BAIAP3: variants seen among roughly 807,000 people sequenced by gnomAD.
The protein encoded by BAIAP3 is BAI1 associated protein 3, also known as BAI1-associated protein 3.
In BAIAP3, 180 loss-of-function variants were observed where a neutral mutation model predicts 149.7. That is an observed-to-expected ratio of 1.20 (90% CI 1.07 to 1.36). The LOEUF (loss-of-function observed/expected upper bound fraction) is 1.36. BAIAP3 is among the 40% of genes most tolerant of loss of function. The pLI is 0.00. For missense variants in BAIAP3, 1,767 were observed against 1,563.4 expected (o/e 1.13, Z -2.20); for synonymous variants, 845 against 670.7 (o/e 1.26, Z -4.02).
In BAIAP3 at chr16:1,337,963, C is replaced by T. The variant is rs114858745; in HGVS notation, c.-10-577C>T. Among the ~76,000 whole-genome samples, 837 of 152,282 alleles carry T rather than the reference C, an allele frequency of 5.5e-3. 8 individuals carry two copies. Among genetic ancestry groups the T allele is most frequent in the African/African-American group, 0.019 (785 of 41,566 alleles). Reference sequence around the variant, plus strand: ...CCCGCTGTGCTTGGTGAGCGAGGACCCCCAGGCAGTCCCCTCCAGGGCCTC... The same window carrying T: ...CCCGCTGTGCTTGGTGAGCGAGGACTCCCAGGCAGTCCCCTCCAGGGCCTC... On this transcript the variant is annotated intron_variant, in intron 1 of 33. Transcript: ENST00000426824.
At position 1,344,111 on chromosome 16, in the gene BAIAP3, C is replaced by T; in HGVS notation, c.1476C>T (p.Asn492=). ...TCCGAGACTACTTCCCTGCCACCAA[C>T]AGCACCGCTGTCCACCGCCTGGAGC... The part of the protein sequence containing the change: ...RQLRDYFPAT[N]STAVHRLELL... Residue 492 remains asparagine, a synonymous_variant, in exon 16 of 34, where the codon AAC becomes AAT. Transcript: ENST00000426824. 6.2e-7 allele frequency: 1 copy of T among 1,612,026 alleles called. No individual in the cohort carries two copies. Among genetic ancestry groups the T allele is most frequent in the Non-Finnish European group, 8.5e-7 (1 of 1,179,838 alleles).
At chr16:1,347,519 C>CA in intron 29 of BAIAP3, 26 bp from the exon 30 acceptor site, 1 of 1,586,928 alleles carries the variant, frequency 6.3e-7, no homozygotes, top group South Asian at 1.1e-5. Context: ...ACCCAGGGGC[C>CA]CCTCCTGATG....
At chr16:1,338,337 A>G (rs1232409688) in intron 1 of BAIAP3, among the ~76,000 whole-genome samples, 2 of 152,086 alleles carry the variant, frequency 1.3e-5, no homozygotes, top group African/African-American at 4.8e-5. Flanking sequence ...CAGGGGGCGC[A>G]GGGACTTAGC....
At chr16:1,334,024 G>A (rs2033296147) in intron 1 of BAIAP3, among the ~76,000 whole-genome samples, 1 of 151,752 alleles carries the variant, frequency 6.6e-6, no homozygotes, top group Non-Finnish European at 1.5e-5. Context: ...GCACTGCGGA[G>A]CGGACGGGGA....
chr16:1,338,473 C>T (rs543937481), intron 1 of BAIAP3, 67 bp from the exon 2 acceptor site: 21 of 1,091,562 alleles, frequency 1.9e-5, no homozygotes, highest in South Asian at 1.6e-4. Flanking sequence ...CCCACCCCCC[C>T]GCCTGCTGTG....
chr16:1,336,015 G>A (rs1367363836), intron 1 of BAIAP3, among the ~76,000 whole-genome samples: 1 of 152,168 alleles, frequency 6.6e-6, no homozygotes, highest in Non-Finnish European at 1.5e-5. Context: ...GGAGGGTACC[G>A]AGCCCCCTTT....
chr16:1,338,450 C>T (rs964222670), intron 1 of BAIAP3, 90 bp from the exon 2 acceptor site: 2 of 195,798 alleles, frequency 1.0e-5, no homozygotes, highest in South Asian at 6.8e-5. Flanking sequence ...CCCACCTCTT[C>T]CCGCCCCACC....
At chr16:1,339,025 C>T (rs752739845) in intron 3 of BAIAP3, 36 bp downstream of exon 3, 2 of 1,610,548 alleles carry the variant, frequency 1.2e-6, no homozygotes, top group Admixed American at 1.7e-5. Context: ...ATACCACAGC[C>T]CAGCATGGGG....
intron 2 of BAIAP3, 40 bp downstream of exon 2, chr16:1,338,720 C>T (rs1190751498): frequency 6.4e-7 from 1 of 1,559,070 alleles, no homozygotes; most frequent in South Asian, 1.2e-5. Flanking sequence ...CCCACAGGGC[C>T]ATTTCCCGCC....
chr16:1,342,708 C>T lies in BAIAP3; in HGVS notation c.1066-11C>T, dbSNP rs751848527. ...GGCAGAGCTGGTGACTGGGTGGGCT[C>T]TGCGTTGCAGAGGGATACGGCCATG... On this transcript the variant is annotated splice_polypyrimidine_tract_variant and intron_variant, in intron 12 of 33. Coordinates refer to ENST00000426824, the MANE Select transcript of BAIAP3 (RefSeq NM_001199097.2). 3 of 1,612,202 alleles carry T rather than the reference C, an allele frequency of 1.9e-6. No homozygotes were observed. The highest frequency in any genetic ancestry group is 2.5e-6 in the Non-Finnish European group (3 of 1,179,972).
At chr16:1,341,562 G>C in intron 8 of BAIAP3, 73 bp downstream of exon 8, 1 of 1,518,790 alleles carries the variant, frequency 6.6e-7, no homozygotes, top group South Asian at 1.2e-5. Context: ...TGCCTGGAGG[G>C]TGGTGGCTCG....
At chr16:1,347,423 A>G (rs1439798025) in intron 29 of BAIAP3, 54 bp downstream of exon 29, 4 of 1,602,580 alleles carry the variant, frequency 2.5e-6, no homozygotes, top group Non-Finnish European at 3.4e-6. Flanking sequence ...CTGAGTTCAA[A>G]CTGCAGCCCC....
chr16:1,344,896 G>T, intron 20 of BAIAP3, 47 bp downstream of exon 20: 1 of 1,613,678 alleles, frequency 6.2e-7, no homozygotes, highest in Non-Finnish European at 8.5e-7. Context: ...ATGGGGAAGT[G>T]GGCAGATGCC....
Position 1,342,625 on chromosome 16 carries a change from C to T in BAIAP3, c.1056C>T (p.Ile352=), listed in dbSNP as rs1308086756. The change falls in exon 12 of 34, where the codon ATC becomes ATT. Residue 352 remains isoleucine (I), a synonymous_variant. Coordinates refer to ENST00000426824, the MANE Select transcript of BAIAP3 (RefSeq NM_001199097.2). Reference sequence around the variant, plus strand: ...ACTGCCACCTGGTTCTCAAGCTGATCACTACGCAGGTGGGGAAAGTGGGCG... The same window carrying T: ...ACTGCCACCTGGTTCTCAAGCTGATTACTACGCAGGTGGGGAAAGTGGGCG... The part of the protein sequence containing the change: ...QGHCHLVLKL[I]TTQRDTAMSQ... The T allele has an allele frequency of 4.4e-6, 7 of 1,582,810 alleles. No homozygotes were observed. The highest frequency in any genetic ancestry group is 4.3e-6 in the Non-Finnish European group (5 of 1,165,180).
chr16:1,342,343 C>G (rs749525138), intron 11 of BAIAP3, 60 bp downstream of exon 11: 2 of 1,550,074 alleles, frequency 1.3e-6, no homozygotes, highest in South Asian at 2.3e-5. Flanking sequence ...AGTGTCCCAG[C>G]CTTCAAGGGG....
Position 1,346,648 on chromosome 16 carries a change from T to A in BAIAP3, c.2606T>A (p.Leu869Gln), listed in dbSNP as rs557498565. The change falls in exon 27 of 34, where the codon CTG (leucine) becomes CAG (glutamine). Residue 869 changes from leucine (L) to glutamine (Q), a missense_variant. Physicochemically the swap from Leu to Gln is moderately radical, Grantham distance 113. Transcript: ENST00000426824. ...LMKYLDEKLALLNASLVKGNL... is the reference protein window; with the variant it reads ...LMKYLDEKLAQLNASLVKGNL... ...AAGTACCTGGATGAGAAGCTGGCCC[T>A]GCTGAACGCCTCGCTGGTGAAGGGG... is the stretch of plus-strand genomic sequence containing the variant. 7.2e-7 allele frequency: 1 copy of A among 1,386,718 alleles called. No homozygotes were observed. Among genetic ancestry groups the A allele is most frequent in the Non-Finnish European group, 9.5e-7 (1 of 1,051,450 alleles). The allele number at this position is 1,386,718 out of a possible 1,614,324, so 85.9% of individuals were successfully genotyped here.
chr16:1,349,199 C>T lies in BAIAP3; in HGVS notation c.*717C>T. ...GGCAGAGCCGAGAGTTCGCCCCAAC[C>T]CTTCCCCAGGCCCAGTGTGAAAAAC... On this transcript the variant is annotated 3_prime_UTR_variant, in exon 34 of 34. Coordinates refer to ENST00000426824, the MANE Select transcript of BAIAP3 (RefSeq NM_001199097.2). 1.7e-6 allele frequency: 1 copy of T among 573,462 alleles called. No homozygotes were observed. The highest frequency in any genetic ancestry group is 3.1e-6 in the Non-Finnish European group (1 of 320,620). 35.5% of individuals were successfully genotyped at this position (573,462 alleles called of 1,614,324 possible).
intron 1 of BAIAP3, chr16:1,334,359 C>T (rs1001316162): frequency 4.6e-6 from 2 of 432,372 alleles, no homozygotes; most frequent in African/African-American, 2.0e-5. Context: ...AGACTCACCC[C>T]GGACCGCCCG....
At chr16:1,347,261 G>C in intron 28 of BAIAP3, 37 bp from the exon 29 acceptor site, 1 of 1,602,858 alleles carries the variant, frequency 6.2e-7, no homozygotes, top group South Asian at 1.1e-5. Context: ...GCACAAGCCA[G>C]GCTCCCTGAC....
Sources: gnomAD v4.1 joint callset for allele counts (sites outside exome capture counted in the v4.1 genomes callset) on GRCh38, gnomAD v4.1.1 for gene constraint, MANE v1.5 for transcripts, NCBI Gene and HGNC (gene_info 2026-07-23, HGNC 2026-07-21) for gene names.